The following ANKS1B variants were observed in gnomAD, a reference collection of about 807,000 sequenced individuals.
ANKS1B encodes ankyrin repeat and sterile alpha motif domain-containing protein 1B.
Under a neutral mutation model 148.3 loss-of-function variants are expected in ANKS1B, and 36 were observed. That is an observed-to-expected ratio of 0.24 (90% CI 0.19 to 0.32). The LOEUF (loss-of-function observed/expected upper bound fraction) is 0.32, where lower values mean the gene tolerates loss of function less well. ANKS1B is among the 10% of genes least tolerant of loss of function. ANKS1B has a pLI of 1.00. For missense variants in ANKS1B, 1,157 were observed against 1,542.6 expected (o/e 0.75, Z 4.19); for synonymous variants, 542 against 560.8 (o/e 0.97, Z 0.47).
intron 17 of ANKS1B, among the ~76,000 whole-genome samples, chr12:98,929,331 C>T (rs944377630): frequency 2.6e-5 from 4 of 152,088 alleles, no homozygotes; most frequent in East Asian, 3.9e-4. Flanking sequence ...AGACTGAATA[C>T]GTGAAGATGG....
intron 17 of ANKS1B, among the ~76,000 whole-genome samples, chr12:98,883,494 G>C (rs957810415): frequency 1.3e-5 from 2 of 152,188 alleles, no homozygotes; most frequent in Non-Finnish European, 2.9e-5. Flanking sequence ...TGTGCTTGAT[G>C]AAGGCTTCAC....
chr12:99,362,359 G>A (rs1355157240), intron 12 of ANKS1B, among the ~76,000 whole-genome samples: 1 of 151,876 alleles, frequency 6.6e-6, no homozygotes, highest in African/African-American at 2.4e-5. Context: ...AAGATCCTAC[G>A]AGAGGGGTTC....
chr12:99,416,217 A>C (rs534165030), intron 11 of ANKS1B, among the ~76,000 whole-genome samples: 10 of 152,294 alleles, frequency 6.6e-5, no homozygotes, highest in African/African-American at 2.4e-4. Context: ...TTATTGCTGG[A>C]TAGTATTCAA....
chr12:99,446,071 T>TCA, intron 10 of ANKS1B, among the ~76,000 whole-genome samples: 1 of 151,468 alleles, frequency 6.6e-6, no homozygotes, highest in Non-Finnish European at 1.5e-5. Flanking sequence ...CAAATTACAA[T>TCA]GCAATATAAC....
At chr12:99,924,637 C>T (rs1289923539) in intron 1 of ANKS1B, among the ~76,000 whole-genome samples, 4 of 152,066 alleles carry the variant, frequency 2.6e-5, no homozygotes, top group Non-Finnish European at 5.9e-5. Flanking sequence ...AAAGCCCTCA[C>T]GAATGGCATT....
chr12:99,418,862 C>T (rs2094993603), intron 11 of ANKS1B, among the ~76,000 whole-genome samples: 2 of 152,094 alleles, frequency 1.3e-5, no homozygotes, highest in South Asian at 4.1e-4. Flanking sequence ...AACAAAACAA[C>T]ATGAATGGGT....
At chr12:98,878,971 G>C (rs551045074) in intron 17 of ANKS1B, among the ~76,000 whole-genome samples, 29 of 152,202 alleles carry the variant, frequency 1.9e-4, no homozygotes, top group Non-Finnish European at 1.5e-5. Flanking sequence ...CAGATCTAAT[G>C]AACAGGGCAT....
At chr12:99,631,566 G>A (rs2098161557) in intron 9 of ANKS1B, among the ~76,000 whole-genome samples, 1 of 152,140 alleles carries the variant, frequency 6.6e-6, no homozygotes, top group South Asian at 2.1e-4. Context: ...GGTTTCAAAT[G>A]TAACTGAGGA....
At chr12:98,993,047 A>G (rs1288230412) in intron 17 of ANKS1B, among the ~76,000 whole-genome samples, 1 of 152,188 alleles carries the variant, frequency 6.6e-6, no homozygotes, top group African/African-American at 2.4e-5. Context: ...ATATTTTTAA[A>G]TGGTTCTCTT....
In ANKS1B at chr12:98,826,378, T is replaced by C. The variant is rs774200993; in HGVS notation, c.3066+2796A>G. Among the ~76,000 whole-genome samples, 6 of 152,244 alleles carry C rather than the reference T, an allele frequency of 3.9e-5. No homozygotes were observed. In the South Asian group the frequency reaches 8.3e-4, roughly 21 times the overall value. On this transcript the variant is annotated intron_variant, in intron 19 of 26. Transcript: ENST00000683438. ...AATATCTGCCAACAAATTTAACAGG[T>C]AAAATGGACATTAAATTTATCTCAA...
At chr12:99,851,889 A>G (rs757234803) in intron 1 of ANKS1B, among the ~76,000 whole-genome samples, 17 of 152,234 alleles carry the variant, frequency 1.1e-4, no homozygotes, top group Non-Finnish European at 2.2e-4. Flanking sequence ...GGTAAAGCAG[A>G]GTCACATTTT....
chr12:99,188,985 C>T (rs142396629), intron 14 of ANKS1B, among the ~76,000 whole-genome samples: 2,295 of 152,068 alleles, frequency 0.015, 24 homozygotes, highest in Non-Finnish European at 0.023. Flanking sequence ...ATCAAATAGA[C>T]GCAATAAAAA....
intron 10 of ANKS1B, among the ~76,000 whole-genome samples, chr12:99,475,599 T>C (rs1054165893): frequency 2.0e-5 from 3 of 151,816 alleles, no homozygotes; most frequent in African/African-American, 4.8e-5. Context: ...TTCCATTTTT[T>C]TATAATTCCA....
At chr12:99,101,901 T>C (rs187393114) in intron 15 of ANKS1B, among the ~76,000 whole-genome samples, 1 of 152,152 alleles carries the variant, frequency 6.6e-6, no homozygotes, top group East Asian at 1.9e-4. Flanking sequence ...CTTAGGGGCC[T>C]GTGGAACTGG....
chr12:99,648,198 G>A (rs562310463), intron 9 of ANKS1B: 73 of 1,614,076 alleles, frequency 4.5e-5, no homozygotes, highest in South Asian at 4.0e-4. Flanking sequence ...GTATGCTACC[G>A]TATTACACGG....
intron 15 of ANKS1B, among the ~76,000 whole-genome samples, chr12:99,106,226 C>T (rs2059180045): frequency 6.6e-6 from 1 of 152,202 alleles, no homozygotes. Flanking sequence ...TCCCATTATT[C>T]TAGTATCTTC....
At chr12:99,763,131 C>T (rs1324229089) in intron 8 of ANKS1B, among the ~76,000 whole-genome samples, 1 of 152,112 alleles carries the variant, frequency 6.6e-6, no homozygotes, top group Non-Finnish European at 1.5e-5. Context: ...ACCCAGCAAT[C>T]CCATTACTGG....
chr12:99,164,199 A>T (rs1488423986), intron 14 of ANKS1B, among the ~76,000 whole-genome samples: 1 of 151,998 alleles, frequency 6.6e-6, no homozygotes, highest in East Asian at 1.9e-4. Context: ...TTTTTTATGG[A>T]TCATGTTTTT....
intron 9 of ANKS1B, among the ~76,000 whole-genome samples, chr12:99,603,697 T>C (rs1185852756): frequency 6.6e-6 from 1 of 152,172 alleles, no homozygotes; most frequent in Non-Finnish European, 1.5e-5. Flanking sequence ...GTTTTAATTC[T>C]GTTTACAAAG....
Sources: allele counts gnomAD v4.1 joint callset (sites outside exome capture counted in the v4.1 genomes callset), GRCh38; gene constraint gnomAD v4.1.1; transcripts MANE v1.5; gene names NCBI Gene and HGNC (gene_info 2026-07-23, HGNC 2026-07-21).